Variants in THOC5 observed in about 807,000 individuals in gnomAD.
The protein encoded by THOC5 is Fms-interacting protein.
Under a neutral mutation model 92.9 loss-of-function variants are expected in THOC5, and 43 were observed. The ratio of observed to expected loss-of-function variants is 0.46; its 90% CI spans 0.36 to 0.60. The LOEUF (loss-of-function observed/expected upper bound fraction) is 0.60. Ranked by LOEUF, THOC5 falls within the 20% of genes least tolerant of loss-of-function variation. The pLI is 0.00. For missense variants in THOC5, 659 were observed against 849.4 expected (o/e 0.78, Z 2.79); for synonymous variants, 296 against 320.1 (o/e 0.92, Z 0.80).
chr22:29,552,503 AC>A (rs2064180953), intron 1 of THOC5, among the ~76,000 whole-genome samples: 1 of 143,370 alleles, frequency 7.0e-6, no homozygotes, highest in African/African-American at 2.7e-5. Flanking sequence ...GAGCCCCTCC[AC>A]CCAGCAGCCG....
chr22:29,544,939 C>T, intron 2 of THOC5: 1 of 287,922 alleles, frequency 3.5e-6, no homozygotes. Context: ...TATTTGTAAA[C>T]AAAACGGGAT....
At chr22:29,523,798 C>G (rs944521146) in intron 12 of THOC5, among the ~76,000 whole-genome samples, 3 of 152,008 alleles carry the variant, frequency 2.0e-5, no homozygotes, top group Non-Finnish European at 4.4e-5. Context: ...CTCCCTCCCC[C>G]AAAAAATATA....
rs144017961 is a variant in THOC5 at position 29,528,453 on chromosome 22, G to A, written c.939C>T (p.Asp313=). 54 of 1,613,202 alleles carry A rather than the reference G, an allele frequency of 3.3e-5. No individual in the cohort carries two copies. The African/African-American group carries it at 5.9e-4, about 18-fold the overall frequency. Residue 313 remains aspartate, a synonymous_variant, in exon 10 of 20, where the codon GAC becomes GAT. Coordinates refer to ENST00000490103, the MANE Select transcript of THOC5 (RefSeq NM_003678.5). ...TAGTCTGCTCCTCCTCGGCATCTGA[G>A]TCACTCTCGTCATCTGCAGCCACAG... is the stretch of plus-strand genomic sequence containing the variant. ...PPEDSQDDES[D]SDAEEEQTTK... is the part of the protein sequence containing the mutation.
intron 8 of THOC5, among the ~76,000 whole-genome samples, chr22:29,529,847 G>A (rs2063617389): frequency 6.6e-6 from 1 of 152,160 alleles, no homozygotes; most frequent in Non-Finnish European, 1.5e-5. Flanking sequence ...AAGGGGACTT[G>A]AAAAATAGTA....
At chr22:29,523,936 G>A (rs888446206) in intron 12 of THOC5, among the ~76,000 whole-genome samples, 7 of 152,210 alleles carry the variant, frequency 4.6e-5, no homozygotes, top group African/African-American at 1.7e-4. Context: ...TGTGGCCAAA[G>A]GCAGCCTGTA....
Position 29,539,314 on chromosome 22 carries a change from AAGGAGGAAAT to A in THOC5, c.599+6_599+15del. ...GACACTTTGTGGTTAAAAGGTCAGG[AAGGAGGAAAT>A]GCTACCTTTTCCGCTGCTCCAGCTC... is the stretch of plus-strand genomic sequence containing the variant. On this transcript the variant is annotated splice_donor_region_variant and intron_variant, in intron 6 of 19. Transcript: ENST00000490103. The A allele has an allele frequency of 6.2e-7, 1 of 1,612,240 alleles. No homozygotes were observed. The highest frequency in any genetic ancestry group is 8.5e-7 in the Non-Finnish European group (1 of 1,178,846).
At chr22:29,522,267 G>A (rs1258469727) in intron 12 of THOC5, among the ~76,000 whole-genome samples, 5 of 151,910 alleles carry the variant, frequency 3.3e-5, no homozygotes, top group African/African-American at 4.8e-5. Context: ...GGCTGAGGCA[G>A]GAGAATGGTG....
chr22:29,519,016 A>G lies in THOC5; in HGVS notation c.1479T>C (p.Phe493=). 6.2e-7 allele frequency: 1 copy of G among 1,603,360 alleles called. No individual in the cohort carries two copies. Among genetic ancestry groups the G allele is most frequent in the Middle Eastern group, 1.7e-4 (1 of 6,040 alleles). ...VQSRLALHKQ[F]ASLEHGIVPV... The stretch of plus-strand genomic sequence containing the variant: ...CCATCATCAGCTTACCTAGGGATGC[A>G]AACTGTTTGTGGAGGGCCAGGCGGG... The change falls in exon 15 of 20, where the codon TTT becomes TTC. Residue 493 remains phenylalanine (F), a synonymous_variant. Coordinates refer to ENST00000490103, the MANE Select transcript of THOC5 (RefSeq NM_003678.5).
At chr22:29,539,828 AG>A (rs2063842111) in intron 5 of THOC5, among the ~76,000 whole-genome samples, 1 of 152,180 alleles carries the variant, frequency 6.6e-6, no homozygotes, top group Non-Finnish European at 1.5e-5. Flanking sequence ...GTTGAAAGCA[AG>A]ACATAATTTA....
chr22:29,543,646 C>T lies in THOC5; in HGVS notation c.241-104G>A, dbSNP rs1056360364. 26 of 674,654 alleles carry T rather than the reference C, an allele frequency of 3.9e-5. 1 individual carries two copies. The Admixed American group carries it at 3.9e-4, about 10-fold the overall frequency. 41.8% of individuals were successfully genotyped at this position (674,654 alleles called of 1,614,324 possible). ...CCTCATCTGGGGCCAAAAACGGCACCGGAGGGAGCTCAGAACCATGAGAAG... is the reference window on the plus strand; with the variant it reads ...CCTCATCTGGGGCCAAAAACGGCACTGGAGGGAGCTCAGAACCATGAGAAG... On this transcript the variant is annotated intron_variant, in intron 3 of 19. Coordinates refer to ENST00000490103, the MANE Select transcript of THOC5 (RefSeq NM_003678.5).
At chr22:29,522,853 T>C (rs1321945459) in intron 12 of THOC5, among the ~76,000 whole-genome samples, 1 of 151,856 alleles carries the variant, frequency 6.6e-6, no homozygotes, top group African/African-American at 2.4e-5. Flanking sequence ...ATACAAAAAT[T>C]AGCCCAGCAT....
At chr22:29,515,544 A>C (rs953351517) in intron 17 of THOC5, among the ~76,000 whole-genome samples, 1 of 151,876 alleles carries the variant, frequency 6.6e-6, no homozygotes, top group Non-Finnish European at 1.5e-5. Flanking sequence ...GATAAAAGGA[A>C]GACCGGGTGT....
chr22:29,544,657 G>T, intron 2 of THOC5, 54 bp from the exon 3 acceptor site: 1 of 1,462,528 alleles, frequency 6.8e-7, no homozygotes, highest in South Asian at 1.5e-5. Context: ...TCTCCCTGCT[G>T]GGATCAGGGA....
intron 17 of THOC5, among the ~76,000 whole-genome samples, chr22:29,513,636 C>T (rs1221279362): frequency 6.6e-6 from 1 of 151,944 alleles, no homozygotes; most frequent in Admixed American, 6.6e-5. Context: ...TTGCAGTGAG[C>T]TGAGATCATG....
chr22:29,536,795 G>T, intron 6 of THOC5, 57 bp from the exon 7 acceptor site: 1 of 951,058 alleles, frequency 1.1e-6, no homozygotes, highest in Non-Finnish European at 1.7e-6. Flanking sequence ...ACCTCAACAT[G>T]CCTGTTCACT....
rs1296673082 is a variant in THOC5, at chr22:29,549,170, A to G, written c.-11-12T>C. On this transcript the variant is annotated splice_polypyrimidine_tract_variant and intron_variant, in intron 1 of 19. Coordinates refer to ENST00000490103, the MANE Select transcript of THOC5 (RefSeq NM_003678.5). ...CATGGTTGTTCCTCCTGTTAAGAGG[A>G]GAAAGTTTTTGAGATTCTTCTGGAG... The G allele has an allele frequency of 2.5e-6, 4 of 1,612,954 alleles. No homozygotes were observed. Among genetic ancestry groups the G allele is most frequent in the Non-Finnish European group, 3.4e-6 (4 of 1,179,104 alleles).
At chr22:29,547,710 T>G (rs1221911361) in intron 2 of THOC5, among the ~76,000 whole-genome samples, 1 of 152,174 alleles carries the variant, frequency 6.6e-6, no homozygotes, top group Non-Finnish European at 1.5e-5. Flanking sequence ...TCTAGGAGGT[T>G]CCAAACTTTC....
At chr22:29,524,747 G>T (rs1569216459) in intron 12 of THOC5, among the ~76,000 whole-genome samples, 1 of 152,162 alleles carries the variant, frequency 6.6e-6, no homozygotes, top group Non-Finnish European at 1.5e-5. Context: ...GCCTGAAGGG[G>T]ATGTGGACTC....
At chr22:29,546,406 G>A (rs2064020386) in intron 2 of THOC5, among the ~76,000 whole-genome samples, 1 of 51,394 alleles carries the variant, frequency 1.9e-5, no homozygotes, top group South Asian at 7.8e-4. Context: ...CGCAAAAAAT[G>A]GGTTTTTCTT....
Sources: gnomAD v4.1 joint callset for allele counts (sites outside exome capture counted in the v4.1 genomes callset) on GRCh38, gnomAD v4.1.1 for gene constraint, MANE v1.5 for transcripts, NCBI Gene and HGNC (gene_info 2026-07-23, HGNC 2026-07-21) for gene names.